Variants in BRSK1 observed in about 807,000 individuals in gnomAD.
BRSK1 encodes the protein serine/threonine-protein kinase BRSK1.
BRSK1 carries 17 observed loss-of-function variants against 86.2 expected under a neutral mutation model. The observed-to-expected ratio is 0.20, with a 90% CI of 0.14 to 0.30. The LOEUF is 0.30. Among genes scored for constraint, BRSK1 ranks in the 10% least tolerant of loss-of-function variants. The pLI is 1.00. For synonymous variants in BRSK1, 464 were observed against 440.1 expected, an observed-to-expected ratio of 1.05 and a Z score of -0.68; for missense variants, 719 against 1,071.9, an observed-to-expected ratio of 0.67 and a Z score of 4.60.
Position 55,284,240 on chromosome 19 carries a change from AC to A in BRSK1, c.-196del, listed in dbSNP as rs964956096. 7.3e-5 allele frequency: 35 copies of A among 482,432 alleles called. No individual in the cohort carries two copies. Among genetic ancestry groups the A allele is most frequent in the Non-Finnish European group, 1.0e-4 (33 of 317,850 alleles). 29.9% of individuals were successfully genotyped at this position (482,432 alleles called of 1,614,324 possible). On this transcript the variant is annotated 5_prime_UTR_variant, in exon 1 of 19. Coordinates refer to ENST00000309383, the MANE Select transcript of BRSK1 (RefSeq NM_032430.2). ...GGGCCATGCTGACTCCCGGGGCCTG[AC>A]CCCCCCGGGCCAGCCCCCCCTCCCC...
chr19:55,301,836 G>A (rs1164204717), intron 8 of BRSK1, among the ~76,000 whole-genome samples, 178 bp downstream of exon 8: 1 of 152,216 alleles, frequency 6.6e-6, no homozygotes, highest in Non-Finnish European at 1.5e-5. Flanking sequence ...CTGGGGAGGG[G>A]GCTACGCAAG....
chr19:55,298,184 G>A (rs2088516220), intron 7 of BRSK1, among the ~76,000 whole-genome samples: 1 of 109,896 alleles, frequency 9.1e-6, no homozygotes. Context: ...ATTATTAGTA[G>A]TTTATTCTTT....
At chr19:55,293,050 C>T (rs1042586949) in intron 4 of BRSK1, among the ~76,000 whole-genome samples, 1 of 151,646 alleles carries the variant, frequency 6.6e-6, no homozygotes, top group African/African-American at 2.4e-5. Context: ...AGAAGCAATG[C>T]CCATCTCTAA....
chr19:55,284,492 T>TACCCC lies in BRSK1; in HGVS notation c.50_51insACCCC (p.His19ProfsTer49). 7.7e-6 allele frequency: 6 copies of TACCCC among 776,246 alleles called. No individual in the cohort carries two copies. The highest frequency in any genetic ancestry group is 1.1e-5 in the Non-Finnish European group (6 of 546,158). 48.1% of individuals were successfully genotyped at this position (776,246 alleles called of 1,614,324 possible). On this transcript the variant is annotated frameshift_variant, in exon 1 of 19. Transcript: ENST00000309383. LOFTEE classifies it high-confidence loss of function. ...GGTGGGGGCTCTCCCGCCTACCACC[T>TACCCC]CCCCCACCCCCACCCCCACCCACCC...
intron 4 of BRSK1, among the ~76,000 whole-genome samples, chr19:55,292,890 T>C (rs1275880649): frequency 6.6e-6 from 1 of 150,776 alleles, no homozygotes; most frequent in Admixed American, 6.6e-5. Flanking sequence ...CGCCTGTGGC[T>C]CCAGCTACTC....
chr19:55,312,059 T>C lies in BRSK1; in HGVS notation c.2328T>C (p.Pro776=), dbSNP rs1191782410. 1 of 1,437,930 alleles carries C rather than the reference T, an allele frequency of 7.0e-7. No homozygotes were observed. The highest frequency in any genetic ancestry group is 9.1e-7 in the Non-Finnish European group (1 of 1,093,422). The allele number at this position is 1,437,930 out of a possible 1,614,324, so 89.1% of individuals were successfully genotyped here. ...DKKLLATNGT[P]LP ...AGCTCCTGGCCACCAACGGGACCCCTCTGCCCTGACCCCACGGGGCCGGGG... is the reference window on the plus strand; with the variant it reads ...AGCTCCTGGCCACCAACGGGACCCCCCTGCCCTGACCCCACGGGGCCGGGG... The change falls in exon 19 of 19, where the codon CCT becomes CCC. Residue 776 remains proline, a synonymous_variant. Coordinates refer to ENST00000309383, the MANE Select transcript of BRSK1 (RefSeq NM_032430.2).
chr19:55,284,195 G>C lies in BRSK1; in HGVS notation c.-248G>C. On this transcript the variant is annotated 5_prime_UTR_variant, in exon 1 of 19. Coordinates refer to ENST00000309383, the MANE Select transcript of BRSK1 (RefSeq NM_032430.2). ...GCCGGCCAGAAACGGGCTGGGGAGG[G>C]GGGGCCCCGCAGCCCCCCTGGGCCA... The C allele has an allele frequency of 2.5e-6, 2 of 813,614 alleles. No homozygotes were observed. Among genetic ancestry groups the C allele is most frequent in the Non-Finnish European group, 3.3e-6 (2 of 608,318 alleles). 50.4% of individuals were successfully genotyped at this position (813,614 alleles called of 1,614,324 possible). A position where few individuals can be genotyped will look rare whatever the true frequency, so the allele number is the denominator to read the frequency against.
At chr19:55,299,464 C>A (rs2088539116) in intron 7 of BRSK1, among the ~76,000 whole-genome samples, 1 of 150,424 alleles carries the variant, frequency 6.6e-6, no homozygotes, top group Admixed American at 6.6e-5. Context: ...CGGCTCACTG[C>A]AGCCTCCGCC....
chr19:55,308,789 GGC>G (rs2088712783), intron 18 of BRSK1, 61 bp downstream of exon 18: 1 of 142,600 alleles, frequency 7.0e-6, no homozygotes, highest in Non-Finnish European at 1.2e-5. Flanking sequence ...GGTGGCGGGG[GGC>G]GTGGGTGGCG....
intron 7 of BRSK1, among the ~76,000 whole-genome samples, chr19:55,295,399 A>T (rs917406136): frequency 6.6e-6 from 1 of 152,190 alleles, no homozygotes; most frequent in Admixed American, 6.5e-5. Context: ...TTGGGATTAC[A>T]TGCGTGAGGC....
At chr19:55,285,923 GAGA>G (rs879334129) in intron 1 of BRSK1, among the ~76,000 whole-genome samples, 1 of 152,026 alleles carries the variant, frequency 6.6e-6, no homozygotes, top group Non-Finnish European at 1.5e-5. Flanking sequence ...TGAGTTACAG[GAGA>G]AGAAGGGGTC....
rs562951274 is a variant in BRSK1, at chr19:55,312,510, C to T, written c.*442C>T. 2.3e-3 allele frequency: 325 copies of T among 144,044 alleles called. No individual in the cohort carries two copies. Among genetic ancestry groups the T allele is most frequent in the African/African-American group, 0.011 (310 of 28,906 alleles). The allele number at this position is 144,044 out of a possible 1,614,324, so 8.9% of individuals were successfully genotyped here. A position where few individuals can be genotyped will look rare whatever the true frequency, so the allele number is the denominator to read the frequency against. ...GGTTTCGCGTGATCCTGCCTGCGTC[C>T]GTGTCTCTGATTCCGCCGGCGGCAA... On this transcript the variant is annotated 3_prime_UTR_variant, in exon 19 of 19. Transcript: ENST00000309383.
Position 55,302,259 on chromosome 19 carries a change from G to C in BRSK1, c.857+91G>C. 1.3e-6 allele frequency: 2 copies of C among 1,489,874 alleles called. No individual in the cohort carries two copies. Among genetic ancestry groups the C allele is most frequent in the Non-Finnish European group, 1.9e-6 (2 of 1,067,692 alleles). The allele number at this position is 1,489,874 out of a possible 1,614,324, so 92.3% of individuals were successfully genotyped here. On this transcript the variant is annotated intron_variant, in intron 9 of 18. Transcript: ENST00000309383. This position sits in a 1 kb window ranked among gnomAD's most constrained non-coding sequence, Gnocchi z 6.3. ...AGCGGCTGGGAGGGGTGGGATGCCA[G>C]GGTTCCTGAGAGGCAACGGGCTAGG...
Position 55,284,142 on chromosome 19 carries a change from C to T in BRSK1, c.-301C>T. On this transcript the variant is annotated 5_prime_UTR_variant, in exon 1 of 19. Transcript: ENST00000309383. ...CGCCGGCCCGCACCTCAGACCCCCC[C>T]GGCGGGGGGAGGCGCAGGAAGCGGG... The T allele has an allele frequency of 9.2e-7, 1 of 1,082,896 alleles. No individual in the cohort carries two copies. The highest frequency in any genetic ancestry group is 1.2e-6 in the Non-Finnish European group (1 of 861,204). 67.1% of individuals were successfully genotyped at this position (1,082,896 alleles called of 1,614,324 possible). A position where few individuals can be genotyped will look rare whatever the true frequency, so the allele number is the denominator to read the frequency against.
intron 7 of BRSK1, 68 bp from the exon 8 acceptor site, chr19:55,301,444 C>T: frequency 6.4e-7 from 1 of 1,553,768 alleles, no homozygotes; most frequent in Non-Finnish European, 8.7e-7. Flanking sequence ...CACCGTAGTT[C>T]CCCACCTCCA....
chr19:55,287,246 C>A lies in BRSK1; in HGVS notation c.264C>A (p.Ile88=), dbSNP rs372144256. Residue 88 remains isoleucine, a synonymous_variant, in exon 3 of 19, where the codon ATC becomes ATA. Coordinates refer to ENST00000309383, the MANE Select transcript of BRSK1 (RefSeq NM_032430.2). The surrounding 1 kb of genome is among the most constrained non-coding windows in gnomAD (Gnocchi z 5.3). ...VEREIAILKL[I]EHPHVLKLHD... The stretch of plus-strand genomic sequence containing the variant: ...GGGAGATCGCCATCCTGAAGCTCAT[C>A]GAACACCCACATGTCCTCAAGCTCC... 3.7e-6 allele frequency: 6 copies of A among 1,614,046 alleles called. No homozygotes were observed. In the South Asian group the frequency reaches 6.6e-5, roughly 18 times the overall value.
At position 55,306,200 on chromosome 19, in the gene BRSK1, CTGGG is replaced by C; in HGVS notation, c.1891-50_1891-47del. 1.3e-6 allele frequency: 2 copies of C among 1,587,456 alleles called. No homozygotes were observed. The highest frequency in any genetic ancestry group is 1.7e-6 in the Non-Finnish European group (2 of 1,160,072). On this transcript the variant is annotated intron_variant, in intron 16 of 18. Transcript: ENST00000309383. The surrounding 1 kb of genome is among the most constrained non-coding windows in gnomAD (Gnocchi z 4.7). Reference sequence around the variant, plus strand: ...TCCTTGGCCAGAGCTGGTCGTGGGGCTGGGTATCCATTTCCTGGGCTCACCCCTT... The same window carrying C: ...TCCTTGGCCAGAGCTGGTCGTGGGGCTATCCATTTCCTGGGCTCACCCCTT...
chr19:55,297,867 T>G (rs1240756397), intron 7 of BRSK1, among the ~76,000 whole-genome samples: 1 of 152,186 alleles, frequency 6.6e-6, no homozygotes, highest in African/African-American at 2.4e-5. Context: ...CAGGCTGGAG[T>G]GCAATGGTGC....
At position 55,311,554 on chromosome 19, in the gene BRSK1, C is replaced by T. The variant is rs1443955359; in HGVS notation, c.2180-357C>T. 3.3e-5 allele frequency among the ~76,000 whole-genome samples: 5 copies of T among 152,278 alleles called. No homozygotes were observed. The East Asian group carries it at 5.8e-4, about 18-fold the overall frequency. On this transcript the variant is annotated intron_variant, in intron 18 of 18. Transcript: ENST00000309383. The stretch of plus-strand genomic sequence containing the variant: ...GTCGGGGGGCCCCTCTTGCTGTGAA[C>T]GTTGAGCACCGTCCTGGCAGGCTGT...
Sources: allele counts gnomAD v4.1 joint callset (sites outside exome capture counted in the v4.1 genomes callset), GRCh38; gene constraint gnomAD v4.1.1; non-coding constraint Gnocchi (gnomAD v3.1); transcripts MANE v1.5; gene names NCBI Gene and HGNC (gene_info 2026-07-23, HGNC 2026-07-21).